Variants in ANO4 observed in about 807,000 individuals in gnomAD.
ANO4 encodes anoctamin-4.
Under a neutral mutation model 141.9 loss-of-function variants are expected in ANO4, and 69 were observed. The observed-to-expected ratio is 0.49, with a 90% CI of 0.40 to 0.59. The LOEUF (loss-of-function observed/expected upper bound fraction) is 0.59. Among genes scored for constraint, ANO4 ranks in the 20% least tolerant of loss-of-function variants. The probability of loss-of-function intolerance (pLI) is 0.00; values close to 1 mark genes in which losing one functional copy is unlikely to be tolerated. For synonymous variants in ANO4, 350 were observed against 394.3 expected (o/e 0.89, Z 1.33); for missense variants, 894 against 1,162.2 (o/e 0.77, Z 3.36).
chr12:100,825,751 T>C (rs1356248359), intron 1 of ANO4, among the ~76,000 whole-genome samples: 2 of 152,102 alleles, frequency 1.3e-5, no homozygotes, highest in Non-Finnish European at 2.9e-5. Context: ...AATACCATTT[T>C]GATAAATGAT....
chr12:100,903,980 G>C (rs1219605189), intron 2 of ANO4, among the ~76,000 whole-genome samples: 1 of 152,102 alleles, frequency 6.6e-6, no homozygotes, highest in African/African-American at 2.4e-5. Context: ...CCCAACCTTT[G>C]CTCCTGCTGT....
intron 17 of ANO4, among the ~76,000 whole-genome samples, chr12:101,091,440 T>C (rs181267186): frequency 4.6e-5 from 7 of 152,280 alleles, no homozygotes; most frequent in Non-Finnish European, 1.0e-4. Context: ...ACCAAATGTG[T>C]AATATAGTTG....
chr12:100,865,253 G>A (rs949851371), intron 1 of ANO4, among the ~76,000 whole-genome samples: 11 of 152,110 alleles, frequency 7.2e-5, no homozygotes, highest in Admixed American at 2.6e-4. Flanking sequence ...TGCCAACAGT[G>A]TAAAAGTGTC....
chr12:101,096,464 G>C (rs2136947545), intron 18 of ANO4, 72 bp from the exon 19 acceptor site: 1 of 1,203,988 alleles, frequency 8.3e-7, no homozygotes, highest in East Asian at 2.4e-5. Context: ...TGTGTGTGTG[G>C]GGAGGGAAAG....
At chr12:100,810,579 G>A (rs1336200490) in intron 1 of ANO4, among the ~76,000 whole-genome samples, 1 of 152,154 alleles carries the variant, frequency 6.6e-6, no homozygotes, top group Non-Finnish European at 1.5e-5. Context: ...AGAAAGGGAG[G>A]TGATGATGGA....
intron 8 of ANO4, among the ~76,000 whole-genome samples, chr12:101,018,009 G>C (rs1027799330): frequency 1.3e-5 from 2 of 152,208 alleles, no homozygotes; most frequent in South Asian, 2.1e-4. Context: ...AAAAGGGAAG[G>C]AAGCAGAAAA....
intron 24 of ANO4, among the ~76,000 whole-genome samples, chr12:101,116,393 T>A (rs962161383): frequency 6.6e-6 from 1 of 152,332 alleles, no homozygotes; most frequent in African/African-American, 2.4e-5. Flanking sequence ...TTTATGCCCA[T>A]CATGTAATGC....
At chr12:100,888,273 G>T (rs1427514400) in intron 1 of ANO4, among the ~76,000 whole-genome samples, 1 of 152,208 alleles carries the variant, frequency 6.6e-6, no homozygotes, top group African/African-American at 2.4e-5. Context: ...GACTCTCACA[G>T]TGAGGGTTCA....
chr12:100,733,812 G>A (rs1593241661), exon 2 of ANO4: 1 of 702,106 alleles, frequency 1.4e-6, no homozygotes, highest in East Asian at 2.7e-5. Context: ...CCTTTCCTCT[G>A]CAACGACGGG....
chr12:100,930,002 C>T (rs2042024918), intron 3 of ANO4, among the ~76,000 whole-genome samples: 1 of 152,086 alleles, frequency 6.6e-6, no homozygotes, highest in African/African-American at 2.4e-5. Context: ...CTTATTCAGA[C>T]ATCTTGCCCA....
intron 5 of ANO4, among the ~76,000 whole-genome samples, chr12:100,963,468 C>T (rs946264474): frequency 4.6e-5 from 7 of 151,906 alleles, no homozygotes; most frequent in Non-Finnish European, 1.0e-4. Context: ...CTTCTCTCCA[C>T]CAGGACACTG....
At chr12:100,788,940 T>C (rs1238193819) in intron 3 of ANO4, among the ~76,000 whole-genome samples, 1 of 151,212 alleles carries the variant, frequency 6.6e-6, no homozygotes, top group Non-Finnish European at 1.5e-5. Flanking sequence ...TAAGAAGCCA[T>C]TCCAGGATCT....
chr12:100,910,450 A>G (rs544444162), intron 2 of ANO4, among the ~76,000 whole-genome samples: 2 of 152,140 alleles, frequency 1.3e-5, no homozygotes, highest in East Asian at 1.9e-4. Context: ...GATTGTTTCA[A>G]TTCTTTCTCC....
intron 1 of ANO4, chr12:100,717,671 C>G (rs941844867): frequency 2.5e-6 from 1 of 395,630 alleles, no homozygotes; most frequent in Non-Finnish European, 4.5e-6. Context: ...GGGAGGGAGA[C>G]GGCGGCCGTG....
At chr12:101,080,863 T>TAA (rs1555296480) in intron 15 of ANO4, among the ~76,000 whole-genome samples, 1 of 65,988 alleles carries the variant, frequency 1.5e-5, no homozygotes, top group Non-Finnish European at 3.2e-5. Context: ...TTCTAGGTTC[T>TAA]AGATATATAT....
chr12:101,086,678 G>T lies in ANO4; in HGVS notation c.1555G>T (p.Ala519Ser), dbSNP rs1384755524. 1 of 1,613,686 alleles carries T rather than the reference G, an allele frequency of 6.2e-7. No homozygotes were observed. The highest frequency in any genetic ancestry group is 1.1e-5 in the South Asian group (1 of 91,060). The change falls in exon 17 of 28, where the codon GCC becomes TCC. Residue 519 changes from alanine to serine, a missense_variant. Around this residue, in one of 2 missense-constraint regions of ANO4, gnomAD observed 637 missense variants for 909.2 expected, o/e 0.70. Transcript: ENST00000392977. ...IFFMICVVIA[A>S]VFGIVIYRVV... is the part of the protein sequence containing the mutation. ...CTGCCAGATCTGCGTGGTGATTGCT[G>T]CCGTGTTCGGGATCGTCATTTACCG...
chr12:100,865,086 A>G (rs1241049929), intron 1 of ANO4, among the ~76,000 whole-genome samples: 1 of 152,180 alleles, frequency 6.6e-6, no homozygotes, highest in Non-Finnish European at 1.5e-5. Context: ...GTGCTGCAAT[A>G]AACATATGTG....
At chr12:101,044,466 TA>T (rs1199693016) in intron 13 of ANO4, among the ~76,000 whole-genome samples, 13 of 152,344 alleles carry the variant, frequency 8.5e-5, no homozygotes, top group African/African-American at 3.1e-4. Context: ...CACAAAACAA[TA>T]GCTGAAGTTT....
rs763949654 is a variant in ANO4 at position 100,806,524 on chromosome 12, G to GTTTTTTTTTTTTTTTTTTTTTT, written c.-141+11512_-141+11533dup. ...TTTTAGGAGGTTTTTTTTTTGTTTC[G>GTTTTTTTTTTTTTTTTTTTTTT]TTTTTTTTTTTTTTTTTTTTTTTTT... is the stretch of plus-strand genomic sequence containing the variant. On this transcript the variant is annotated intron_variant, in intron 1 of 27. Coordinates refer to ENST00000392977, the MANE Select transcript of ANO4 (RefSeq NM_001286615.2). 3.5e-4 allele frequency among the ~76,000 whole-genome samples: 21 copies of GTTTTTTTTTTTTTTTTTTTTTT among 59,882 alleles called. 4 individuals carry two copies. Among genetic ancestry groups the GTTTTTTTTTTTTTTTTTTTTTT allele is most frequent in the East Asian group, 1.4e-3 (2 of 1,448 alleles). The allele number at this position is 59,882 out of a possible 152,430, so 39.3% of individuals were successfully genotyped here. A position where few individuals can be genotyped will look rare whatever the true frequency, so the allele number is the denominator to read the frequency against.
Sources: gnomAD v4.1 joint callset for allele counts (sites outside exome capture counted in the v4.1 genomes callset) on GRCh38, gnomAD v4.1.1 for gene constraint, gnomAD v4.1.1 regional missense constraint, MANE v1.5 for transcripts, NCBI Gene and HGNC (gene_info 2026-07-23, HGNC 2026-07-21) for gene names.